Variants in PIK3CD observed in about 807,000 individuals in gnomAD.
PIK3CD encodes the protein phosphatidylinositol 4,5-bisphosphate 3-kinase catalytic subunit delta isoform.
In PIK3CD, 20 loss-of-function variants were observed where a neutral mutation model predicts 122.9. That is an observed-to-expected ratio of 0.16 (90% CI 0.11 to 0.24). The LOEUF (loss-of-function observed/expected upper bound fraction) is 0.24. PIK3CD is among the 10% of genes least tolerant of loss of function. The pLI is 1.00. For missense variants in PIK3CD, 787 were observed against 1,406.3 expected (o/e 0.56, Z 7.04); for synonymous variants, 596 against 593.4 (o/e 1.00, Z -0.06).
At chr1:9,647,915 T>G (rs899310224), upstream of PIK3CD, among the ~76,000 whole-genome samples, 1 of 152,226 alleles carries the variant, frequency 6.6e-6, no homozygotes, top group African/African-American at 2.4e-5. Context: ...TTACAGTGTT[T>G]GCTTTGTTTG....
At chr1:9,683,783 C>T (rs1254442588) in intron 1 of PIK3CD, among the ~76,000 whole-genome samples, 1 of 152,138 alleles carries the variant, frequency 6.6e-6, no homozygotes, top group Non-Finnish European at 1.5e-5. Context: ...GACGGCCTGG[C>T]TCTGCTCCCA....
chr1:9,629,488 A>T, the PIK3CD span, among the ~76,000 whole-genome samples: 1 of 108,988 alleles, frequency 9.2e-6, no homozygotes, highest in Admixed American at 1.1e-4. Context: ...CCACGCTCAG[A>T]GGCCTAGAAC....
chr1:9,719,504 CA>C lies in PIK3CD; in HGVS notation c.1243-410del, dbSNP rs1024311361. Among the ~76,000 whole-genome samples the C allele has an allele frequency of 2.6e-5, 4 of 151,938 alleles. No homozygotes were observed. Among genetic ancestry groups the C allele is most frequent in the African/African-American group, 9.7e-5 (4 of 41,360 alleles). On this transcript the variant is annotated intron_variant, in intron 9 of 23. Coordinates refer to ENST00000377346, the MANE Select transcript of PIK3CD (RefSeq NM_005026.5). This position sits in a 1 kb window ranked among gnomAD's most constrained non-coding sequence, Gnocchi z 5.5. Reference sequence around the variant, plus strand: ...TGAAACCCTGTCTCTACTGAAAATACAAAAAAATTAGCCGGGCGTGGAGGCA... The same window carrying C: ...TGAAACCCTGTCTCTACTGAAAATACAAAAAATTAGCCGGGCGTGGAGGCA...
At chr1:9,671,648 G>T (rs938016384) in intron 1 of PIK3CD, among the ~76,000 whole-genome samples, 1 of 152,090 alleles carries the variant, frequency 6.6e-6, no homozygotes, top group African/African-American at 2.4e-5. Context: ...ATTTTGCTAT[G>T]TTGCCCAGGC....
chr1:9,669,692 G>C (rs954593050), intron 1 of PIK3CD, among the ~76,000 whole-genome samples: 8 of 152,034 alleles, frequency 5.3e-5, no homozygotes, highest in African/African-American at 1.7e-4. Flanking sequence ...AGGGAGGAGA[G>C]GAAAGTCACG....
At chr1:9,653,951 A>T (rs1472843182) in intron 1 of PIK3CD, 1 of 1,360,104 alleles carries the variant, frequency 7.4e-7, no homozygotes, top group Non-Finnish European at 9.8e-7. Flanking sequence ...CATACCTGTC[A>T]TCCCAGTGCT....
At chr1:9,674,715 CAAAA>C (rs1043366958) in intron 1 of PIK3CD, among the ~76,000 whole-genome samples, 1 of 135,654 alleles carries the variant, frequency 7.4e-6, no homozygotes, top group South Asian at 2.3e-4. Flanking sequence ...AAAAAAGAAA[CAAAA>C]AGAAAAGAGA....
At chr1:9,654,958 T>G (rs988036433) in intron 1 of PIK3CD, among the ~76,000 whole-genome samples, 6 of 151,734 alleles carry the variant, frequency 4.0e-5, no homozygotes, top group Non-Finnish European at 7.4e-5. Flanking sequence ...TCCCAGCTAC[T>G]TGGGAGGTGG....
chr1:9,640,566 C>T, the PIK3CD span, among the ~76,000 whole-genome samples: 1 of 147,394 alleles, frequency 6.8e-6, no homozygotes, highest in Non-Finnish European at 1.5e-5. Context: ...GCAACAAGAG[C>T]AAAACTCTGT....
the PIK3CD span, among the ~76,000 whole-genome samples, chr1:9,646,057 C>A: frequency 6.6e-5 from 10 of 152,024 alleles, no homozygotes; most frequent in African/African-American, 2.4e-4. Flanking sequence ...CAGGCGGGAG[C>A]CACCGCACCT....
chr1:9,724,985 G>GC lies in PIK3CD; in HGVS notation c.2997+54dup, dbSNP rs771556865. On this transcript the variant is annotated intron_variant, in intron 23 of 23. Coordinates refer to ENST00000377346, the MANE Select transcript of PIK3CD (RefSeq NM_005026.5). This position sits in a 1 kb window ranked among gnomAD's most constrained non-coding sequence, Gnocchi z 7.3. ...TGTCGCCAGTGGACTTCCAAGGCCT[G>GC]CCCCCGAGCAATGTGACCTAGGAGG... is the stretch of plus-strand genomic sequence containing the variant. 47 of 1,608,626 alleles carry GC rather than the reference G, an allele frequency of 2.9e-5. No homozygotes were observed. The highest frequency in any genetic ancestry group is 3.9e-5 in the Non-Finnish European group (46 of 1,178,316).
intron 1 of PIK3CD, chr1:9,688,035 CT>C (rs1033027257): frequency 6.6e-6 from 1 of 152,214 alleles, no homozygotes; most frequent in African/African-American, 2.4e-5. Context: ...GGCTAGGGAG[CT>C]CCGAGTCCCG....
rs1647014123 is a variant in PIK3CD at position 9,710,683 on chromosome 1, AGATGGACAGGTGGACAGACG to A, written c.141+90_141+109del. The A allele has an allele frequency of 2.7e-6, 4 of 1,458,660 alleles. No homozygotes were observed. The South Asian group carries it at 4.6e-5, about 17-fold the overall frequency. 90.4% of individuals were successfully genotyped at this position (1,458,660 alleles called of 1,614,324 possible). A position where few individuals can be genotyped will look rare whatever the true frequency, so the allele number is the denominator to read the frequency against. ...CAGATAGACAGACAGACAGACAGACAGATGGACAGGTGGACAGACGGACAGACAGATGGACAGATGCACTG... is the reference window on the plus strand; with the variant it reads ...CAGATAGACAGACAGACAGACAGACAGACAGACAGATGGACAGATGCACTG... On this transcript the variant is annotated intron_variant, in intron 3 of 23. Coordinates refer to ENST00000377346, the MANE Select transcript of PIK3CD (RefSeq NM_005026.5). The surrounding 1 kb of genome is among the most constrained non-coding windows in gnomAD (Gnocchi z 4.7).
At chr1:9,698,109 A>T (rs1183167012) in intron 2 of PIK3CD, among the ~76,000 whole-genome samples, 1 of 152,200 alleles carries the variant, frequency 6.6e-6, no homozygotes, top group South Asian at 2.1e-4. Flanking sequence ...TAAAGTTATT[A>T]TGACATCCAT....
At chr1:9,640,494 C>T in the PIK3CD span, among the ~76,000 whole-genome samples, 1 of 111,962 alleles carries the variant, frequency 8.9e-6, no homozygotes, top group Non-Finnish European at 1.5e-5. Context: ...GCAGGAGAAT[C>T]GCTTGACCAG....
chr1:9,707,309 T>A (rs1426641613), intron 2 of PIK3CD, among the ~76,000 whole-genome samples: 5 of 149,466 alleles, frequency 3.3e-5, no homozygotes, highest in African/African-American at 1.2e-4. Context: ...AGAGAGAGGG[T>A]AAATTGTGGT....
chr1:9,718,219 G>A lies in PIK3CD; in HGVS notation c.1021-475G>A. The A allele has an allele frequency of 8.5e-6, 4 of 467,896 alleles. No individual in the cohort carries two copies. The highest frequency in any genetic ancestry group is 6.2e-5 in the South Asian group (4 of 64,642). The allele number at this position is 467,896 out of a possible 1,614,324, so 29.0% of individuals were successfully genotyped here. A position where few individuals can be genotyped will look rare whatever the true frequency, so the allele number is the denominator to read the frequency against. Reference sequence around the variant, plus strand: ...AAATCGTATAAGCAGGGCAGGTCTGGGTTCCACTGGCAGGAATCGAGGGGG... The same window carrying A: ...AAATCGTATAAGCAGGGCAGGTCTGAGTTCCACTGGCAGGAATCGAGGGGG... On this transcript the variant is annotated intron_variant, in intron 8 of 23. Transcript: ENST00000377346. The surrounding 1 kb of genome is among the most constrained non-coding windows in gnomAD (Gnocchi z 7.2).
At chr1:9,665,251 G>A (rs1645125356) in intron 1 of PIK3CD, among the ~76,000 whole-genome samples, 1 of 149,282 alleles carries the variant, frequency 6.7e-6, no homozygotes, top group Non-Finnish European at 1.5e-5. Flanking sequence ...ATGTTCTTCA[G>A]TCATATCCAT....
intron 1 of PIK3CD, among the ~76,000 whole-genome samples, chr1:9,659,167 G>A (rs574278546): frequency 6.6e-6 from 1 of 152,198 alleles, no homozygotes; most frequent in South Asian, 2.1e-4. Flanking sequence ...TTGTGAGGGT[G>A]GGGTAGGGGG....
Sources: allele counts gnomAD v4.1 joint callset (sites outside exome capture counted in the v4.1 genomes callset), GRCh38; gene constraint gnomAD v4.1.1; non-coding constraint Gnocchi (gnomAD v3.1); transcripts MANE v1.5; gene names NCBI Gene and HGNC (gene_info 2026-07-23, HGNC 2026-07-21).